The following FTCDNL1 variants were observed in gnomAD, a reference collection of about 807,000 sequenced individuals.
The protein encoded by FTCDNL1 is formiminotransferase N-terminal subdomain-containing protein.
FTCDNL1 carries 11 observed loss-of-function variants against 5.9 expected under a neutral mutation model. That is an observed-to-expected ratio of 1.87 (90% CI 1.18 to 3.10). FTCDNL1 has a LOEUF of 3.10. Ranked by LOEUF, FTCDNL1 falls within the 30% of genes most tolerant of loss-of-function variation. The probability of loss-of-function intolerance (pLI) is 0.00; values close to 1 mark genes in which losing one functional copy is unlikely to be tolerated. For synonymous variants in FTCDNL1, 58 were observed against 24.8 expected (o/e 2.34, Z -3.99); for missense variants, 115 against 65.5 (o/e 1.76, Z -2.61).
intron 3 of FTCDNL1, among the ~76,000 whole-genome samples, chr2:199,766,764 ACTCT>A (rs1182007992): frequency 6.6e-6 from 1 of 152,056 alleles, no homozygotes; most frequent in East Asian, 1.9e-4. Flanking sequence ...TAAAGAAAGT[ACTCT>A]CTATTGATCA....
At position 199,829,500 on chromosome 2, in the gene FTCDNL1, G is replaced by A. The variant is rs138015857; in HGVS notation, c.212-9743C>T. 2.2e-3 allele frequency among the ~76,000 whole-genome samples: 334 copies of A among 152,252 alleles called. 1 individual carries two copies. The highest frequency in any genetic ancestry group is 3.4e-3 in the Middle Eastern group (1 of 294). ...TAGATGTTTCTCAGTGCAATGAGAA[G>A]TTTAGGCTTCATATTCATAACACAA... On this transcript the variant is annotated intron_variant, in intron 3 of 4. Coordinates refer to ENST00000420128, the MANE Select transcript of FTCDNL1 (RefSeq NM_001363886.2).
At chr2:199,739,997 T>C in the FTCDNL1 span, among the ~76,000 whole-genome samples, 1 of 152,230 alleles carries the variant, frequency 6.6e-6, no homozygotes, top group African/African-American at 2.4e-5. Flanking sequence ...AGATGAACAC[T>C]GCCCCCTGCT....
intron 3 of FTCDNL1, among the ~76,000 whole-genome samples, chr2:199,801,851 TG>T (rs1700470067): frequency 7.1e-6 from 1 of 141,804 alleles, no homozygotes; most frequent in Non-Finnish European, 1.5e-5. Context: ...GGCAGGAGAA[TG>T]GCATGAACCC....
chr2:199,784,501 T>C (rs1051450905), intron 3 of FTCDNL1, among the ~76,000 whole-genome samples: 1 of 152,158 alleles, frequency 6.6e-6, no homozygotes, highest in Non-Finnish European at 1.5e-5. Context: ...TCTGAGGCTC[T>C]GAGATTTGCA....
At chr2:199,671,995 C>T in the FTCDNL1 span, among the ~76,000 whole-genome samples, 8 of 152,142 alleles carry the variant, frequency 5.3e-5, no homozygotes, top group East Asian at 3.9e-4. Flanking sequence ...ACAGTGTCAT[C>T]GTCCAGATTC....
the FTCDNL1 span, among the ~76,000 whole-genome samples, chr2:199,693,665 A>G: frequency 6.6e-6 from 1 of 152,336 alleles, no homozygotes; most frequent in Non-Finnish European, 1.5e-5. Flanking sequence ...GACCTTACTG[A>G]ACCTCAGTAT....
the FTCDNL1 span, among the ~76,000 whole-genome samples, chr2:199,666,291 C>T: frequency 1.6e-3 from 239 of 152,250 alleles, no homozygotes; most frequent in African/African-American, 5.4e-3. Context: ...AAAACGCACA[C>T]ACAGGAAGAT....
the FTCDNL1 span, among the ~76,000 whole-genome samples, chr2:199,742,763 C>G: frequency 5.3e-5 from 8 of 152,162 alleles, no homozygotes; most frequent in Non-Finnish European, 1.2e-4. Context: ...CCCAAAGAGT[C>G]TCTCGGTTTC....
At chr2:199,745,730 T>C in the FTCDNL1 span, among the ~76,000 whole-genome samples, 1 of 152,222 alleles carries the variant, frequency 6.6e-6, no homozygotes, top group Admixed American at 6.5e-5. Flanking sequence ...GCTGATTTCT[T>C]ATAACTCCAT....
chr2:199,842,938 C>CA (rs34781142), intron 3 of FTCDNL1, among the ~76,000 whole-genome samples: 39,409 of 104,282 alleles, frequency 0.38, 6,311 homozygotes, highest in Non-Finnish European at 0.48. Flanking sequence ...CATGCTGTTA[C>CA]AAAAAAAAAA....
In FTCDNL1 at chr2:199,836,527, G is replaced by A. The variant is rs149888024; in HGVS notation, c.211+9548C>T. Among the ~76,000 whole-genome samples the A allele has an allele frequency of 1.7e-3, 257 of 152,230 alleles. 1 individual carries two copies. Among genetic ancestry groups the A allele is most frequent in the African/African-American group, 5.7e-3 (235 of 41,532 alleles). ...TTTTACATCAAGAGTGAGACAGGGG[G>A]CCAGCCATGGTGGGCAGATCCCTTG... On this transcript the variant is annotated intron_variant, in intron 3 of 4. Transcript: ENST00000420128.
intron 3 of FTCDNL1, among the ~76,000 whole-genome samples, chr2:199,767,810 T>G (rs970730553): frequency 6.6e-6 from 1 of 152,164 alleles, no homozygotes; most frequent in Non-Finnish European, 1.5e-5. Flanking sequence ...CCTCAAAAAC[T>G]GTGAGAAGTA....
At chr2:199,795,203 G>C (rs1200624809) in intron 3 of FTCDNL1, among the ~76,000 whole-genome samples, 1 of 152,212 alleles carries the variant, frequency 6.6e-6, no homozygotes, top group East Asian at 1.9e-4. Flanking sequence ...GTATGGCACT[G>C]ACTGGAGAAT....
At chr2:199,748,034 C>T in the FTCDNL1 span, among the ~76,000 whole-genome samples, 6 of 152,134 alleles carry the variant, frequency 3.9e-5, no homozygotes, top group Non-Finnish European at 8.8e-5. Flanking sequence ...CTTTATCCCT[C>T]AATCTTTAAC....
the FTCDNL1 span, among the ~76,000 whole-genome samples, chr2:199,692,559 A>G: frequency 1.3e-5 from 2 of 152,124 alleles, no homozygotes; most frequent in Non-Finnish European, 2.9e-5. Context: ...TTTCCATCCA[A>G]TGGCCTTGTT....
intron 3 of FTCDNL1, among the ~76,000 whole-genome samples, chr2:199,765,240 C>CTT (rs1559168717): frequency 3.3e-5 from 5 of 151,932 alleles, no homozygotes; most frequent in Admixed American, 3.3e-4. Flanking sequence ...CGAATGTTAA[C>CTT]GATGAACTTG....
At chr2:199,740,218 A>G in the FTCDNL1 span, among the ~76,000 whole-genome samples, 1 of 152,192 alleles carries the variant, frequency 6.6e-6, no homozygotes, top group Non-Finnish European at 1.5e-5. Flanking sequence ...ATCACTGGCA[A>G]AGAGCCACCT....
At chr2:199,803,746 GAGCCACCATGCCCAGCCCA>G (rs1185457544) in intron 3 of FTCDNL1, among the ~76,000 whole-genome samples, 2 of 152,194 alleles carry the variant, frequency 1.3e-5, no homozygotes, top group Non-Finnish European at 2.9e-5. Context: ...TTACAGGCAT[GAGCCACCATGCCCAGCCCA>G]AGGGGTACTG....
At chr2:199,719,072 T>G in the FTCDNL1 span, among the ~76,000 whole-genome samples, 1 of 152,130 alleles carries the variant, frequency 6.6e-6, no homozygotes, top group Non-Finnish European at 1.5e-5. Flanking sequence ...TCTATTTTTG[T>G]TTTTGTTGCA....
Sources: allele counts gnomAD v4.1 joint callset (sites outside exome capture counted in the v4.1 genomes callset), GRCh38; gene constraint gnomAD v4.1.1; transcripts MANE v1.5; gene names NCBI Gene and HGNC (gene_info 2026-07-23, HGNC 2026-07-21).